Variants in CNTLN observed in about 807,000 individuals in gnomAD.
CNTLN encodes centlein, centrosomal protein.
In CNTLN, 212 loss-of-function variants were observed where a neutral mutation model predicts 180.0. The observed-to-expected ratio is 1.18, with a 90% CI of 1.05 to 1.32. CNTLN has a LOEUF of 1.32. Ranked by LOEUF, CNTLN falls within the 40% of genes most tolerant of loss-of-function variation. The probability of loss-of-function intolerance (pLI) is 0.00; values close to 1 mark genes in which losing one functional copy is unlikely to be tolerated. For missense variants in CNTLN, 2,095 were observed against 1,610.9 expected (o/e 1.30, Z -5.14); for synonymous variants, 722 against 563.1 (o/e 1.28, Z -3.99).
chr9:17,348,273 G>A (rs1046302059), intron 12 of CNTLN, among the ~76,000 whole-genome samples: 1 of 152,192 alleles, frequency 6.6e-6, no homozygotes, highest in Non-Finnish European at 1.5e-5. Context: ...TTAAGGAGAA[G>A]CATTGTAAAT....
In CNTLN at chr9:17,221,680, T is replaced by G. The variant is rs528707938; in HGVS notation, c.450-4523T>G. Reference sequence around the variant, plus strand: ...TGTATAAATTTATGACCACTAATTTTAAGTGGCCCTCAGTACTGCCTGTTC... The same window carrying G: ...TGTATAAATTTATGACCACTAATTTGAAGTGGCCCTCAGTACTGCCTGTTC... On this transcript the variant is annotated intron_variant, in intron 2 of 25. Coordinates refer to ENST00000380647, the MANE Select transcript of CNTLN (RefSeq NM_017738.4). 3.9e-5 allele frequency among the ~76,000 whole-genome samples: 6 copies of G among 152,210 alleles called. No individual in the cohort carries two copies. The East Asian group carries it at 9.7e-4, about 25-fold the overall frequency.
At chr9:17,315,354 T>G (rs1113379) in intron 8 of CNTLN, among the ~76,000 whole-genome samples, 117,632 of 152,010 alleles carry the variant, frequency 0.77, 46,705 homozygotes, top group Non-Finnish European at 0.86. Flanking sequence ...CTCTTATTGT[T>G]GCAACTTTAA....
chr9:17,213,286 T>C (rs1823471013), intron 2 of CNTLN, among the ~76,000 whole-genome samples: 1 of 152,228 alleles, frequency 6.6e-6, no homozygotes, highest in Non-Finnish European at 1.5e-5. Context: ...AAAGAGCATC[T>C]TTATTTCTGC....
intron 25 of CNTLN, among the ~76,000 whole-genome samples, chr9:17,496,234 C>T (rs1188043998): frequency 6.6e-6 from 1 of 152,160 alleles, no homozygotes; most frequent in Admixed American, 6.5e-5. Context: ...ATTTTTCCTA[C>T]CTGTACTATT....
At chr9:17,268,805 A>G (rs1160959864) in intron 5 of CNTLN, among the ~76,000 whole-genome samples, 1 of 151,542 alleles carries the variant, frequency 6.6e-6, no homozygotes, top group African/African-American at 2.4e-5. Flanking sequence ...TGTGCTAGCA[A>G]TCAGCGAGAC....
In CNTLN at chr9:17,446,125, C is replaced by T. The variant is rs184948492; in HGVS notation, c.3115-11399C>T. Reference sequence around the variant, plus strand: ...TTGTCTTGTGACCCTGACACATCCCCCTCTTCGAGAAACACCCACGAATGA... The same window carrying T: ...TTGTCTTGTGACCCTGACACATCCCTCTCTTCGAGAAACACCCACGAATGA... On this transcript the variant is annotated intron_variant, in intron 18 of 25. Coordinates refer to ENST00000380647, the MANE Select transcript of CNTLN (RefSeq NM_017738.4). Among the ~76,000 whole-genome samples, 734 of 152,318 alleles carry T rather than the reference C, an allele frequency of 4.8e-3. 16 individuals are homozygous for T. Among genetic ancestry groups the T allele is most frequent in the Non-Finnish European group, 3.4e-3 (231 of 68,038 alleles).
chr9:17,292,231 AT>A (rs925087300), intron 6 of CNTLN, among the ~76,000 whole-genome samples: 1 of 151,384 alleles, frequency 6.6e-6, no homozygotes, highest in Non-Finnish European at 1.5e-5. Flanking sequence ...TGCTGTTAAC[AT>A]TTTTTTTCCC....
At chr9:17,299,624 A>T (rs1209689238) in intron 7 of CNTLN, 1 of 985,066 alleles carries the variant, frequency 1.0e-6, no homozygotes, top group Admixed American at 6.1e-5. Flanking sequence ...AGGAAGATAC[A>T]GTCTTCCACT....
intron 19 of CNTLN, among the ~76,000 whole-genome samples, chr9:17,458,641 G>A (rs1217960808): frequency 7.2e-5 from 11 of 151,866 alleles, no homozygotes; most frequent in African/African-American, 2.7e-4. Context: ...TTTTAGTGCA[G>A]ATTTACTCAT....
At chr9:17,270,803 A>AT (rs1827879378) in intron 5 of CNTLN, among the ~76,000 whole-genome samples, 1 of 151,514 alleles carries the variant, frequency 6.6e-6, no homozygotes, top group East Asian at 1.9e-4. Flanking sequence ...GAAATTTTCT[A>AT]TTTTTTCTTT....
At chr9:17,485,513 A>G (rs931071792) in intron 24 of CNTLN, among the ~76,000 whole-genome samples, 1 of 152,172 alleles carries the variant, frequency 6.6e-6, no homozygotes, top group African/African-American at 2.4e-5. Context: ...AATATCACAT[A>G]TAGTACCAAA....
At chr9:17,218,431 A>T (rs549738299) in intron 2 of CNTLN, among the ~76,000 whole-genome samples, 1 of 152,020 alleles carries the variant, frequency 6.6e-6, no homozygotes, top group African/African-American at 2.4e-5. Context: ...TTATTGTTAT[A>T]TTGTTTATAG....
chr9:17,262,500 C>G (rs772450282), intron 5 of CNTLN, among the ~76,000 whole-genome samples: 23 of 151,454 alleles, frequency 1.5e-4, no homozygotes, highest in Non-Finnish European at 2.5e-4. Context: ...TGCATGTTCT[C>G]ACTCATAAGT....
At chr9:17,317,816 G>C (rs1819629613) in intron 8 of CNTLN, among the ~76,000 whole-genome samples, 1 of 152,124 alleles carries the variant, frequency 6.6e-6, no homozygotes, top group South Asian at 2.1e-4. Context: ...GCTAGATTGA[G>C]AGCTATGGGG....
At chr9:17,153,307 C>T (rs1049959763) in intron 2 of CNTLN, among the ~76,000 whole-genome samples, 3 of 152,124 alleles carry the variant, frequency 2.0e-5, no homozygotes, top group Non-Finnish European at 2.9e-5. Context: ...TGTTCCTTTC[C>T]ATGTGTAGTG....
At chr9:17,506,622 T>A (rs1385699810), downstream of CNTLN, among the ~76,000 whole-genome samples, 1 of 152,120 alleles carries the variant, frequency 6.6e-6, no homozygotes, top group Non-Finnish European at 1.5e-5. Flanking sequence ...GCAGGATTCT[T>A]CCCAGTAGCA....
In CNTLN at chr9:17,309,302, C is replaced by A; in HGVS notation, c.1341+50C>A. 3.0e-6 allele frequency: 4 copies of A among 1,344,420 alleles called. No homozygotes were observed. The South Asian group carries it at 5.4e-5, about 18-fold the overall frequency. The allele number at this position is 1,344,420 out of a possible 1,614,324, so 83.3% of individuals were successfully genotyped here. A position where few individuals can be genotyped will look rare whatever the true frequency, so the allele number is the denominator to read the frequency against. Reference sequence around the variant, plus strand: ...TATTCAGTGTAATATTAAATGAAATCATCTCCTACAATTGACTAAAACATA... The same window carrying A: ...TATTCAGTGTAATATTAAATGAAATAATCTCCTACAATTGACTAAAACATA... On this transcript the variant is annotated intron_variant, in intron 8 of 25. Transcript: ENST00000380647.
chr9:17,518,015 G>GA, the CNTLN span, among the ~76,000 whole-genome samples: 4 of 99,668 alleles, frequency 4.0e-5, no homozygotes. Flanking sequence ...CCTCCATAAA[G>GA]TTTTTTTTCT....
chr9:17,470,978 G>T (rs1832018164), intron 23 of CNTLN, among the ~76,000 whole-genome samples: 1 of 151,894 alleles, frequency 6.6e-6, no homozygotes, highest in African/African-American at 2.4e-5. Flanking sequence ...TGTTAATTAA[G>T]ATTTATAAAC....
Sources: allele counts gnomAD v4.1 joint callset (sites outside exome capture counted in the v4.1 genomes callset), GRCh38; gene constraint gnomAD v4.1.1; transcripts MANE v1.5; gene names NCBI Gene and HGNC (gene_info 2026-07-23, HGNC 2026-07-21).